The following GDAP1 variants were observed in gnomAD, a reference collection of about 807,000 sequenced individuals.
The protein encoded by GDAP1 is ganglioside-induced differentiation-associated protein 1.
GDAP1 carries 34 observed loss-of-function variants against 40.1 expected under a neutral mutation model. The ratio of observed to expected loss-of-function variants is 0.85; its 90% CI spans 0.64 to 1.13. GDAP1 has a LOEUF of 1.13. GDAP1 is among the 50% of genes most tolerant of loss of function. The pLI is 0.00. For synonymous variants in GDAP1, 170 were observed against 157.4 expected (o/e 1.08, Z -0.60); for missense variants, 374 against 433.7 (o/e 0.86, Z 1.22).
chr8:74,455,365 T>C (rs542351356), intron 2 of GDAP1, among the ~76,000 whole-genome samples: 50 of 152,070 alleles, frequency 3.3e-4, no homozygotes, highest in African/African-American at 1.2e-3. Context: ...AGTTGTGAGA[T>C]AATCCATTAT....
At chr8:74,355,329 C>T (rs1055295781) in intron 2 of GDAP1, among the ~76,000 whole-genome samples, 1 of 152,186 alleles carries the variant, frequency 6.6e-6, no homozygotes, top group Admixed American at 6.5e-5. Context: ...TGGGATACTT[C>T]AGAGATGTTT....
At chr8:74,437,614 T>C (rs995452597) in intron 2 of GDAP1, among the ~76,000 whole-genome samples, 4 of 152,188 alleles carry the variant, frequency 2.6e-5, no homozygotes, top group Non-Finnish European at 5.9e-5. Flanking sequence ...ATGTTTTCAT[T>C]CATATATCTA....
rs556630987 is a variant in GDAP1, at chr8:74,450,656, T to C, written c.166-38022T>C. Among the ~76,000 whole-genome samples, 6 of 19,938 alleles carry C rather than the reference T, an allele frequency of 3.0e-4. 3 individuals carry two copies. The highest frequency in any genetic ancestry group is 6.0e-4 in the Non-Finnish European group (6 of 10,064). The allele number at this position is 19,938 out of a possible 152,430, so 13.1% of individuals were successfully genotyped here. The stretch of plus-strand genomic sequence containing the variant: ...GGAATATTCTTTCCATCTTTTTATG[T>C]TTTACTTATGTGATTTTATCTGTAA... On this transcript the variant is annotated intron_variant, in intron 2 of 2. Transcript: ENST00000523640.
chr8:74,406,574 A>G (rs933465154), intron 2 of GDAP1, among the ~76,000 whole-genome samples: 1 of 150,214 alleles, frequency 6.7e-6, no homozygotes, highest in Non-Finnish European at 1.5e-5. Context: ...ATAACCTTCT[A>G]TACTGGGTAC....
intron 2 of GDAP1, among the ~76,000 whole-genome samples, chr8:74,464,266 G>T (rs1806439259): frequency 1.3e-5 from 2 of 152,200 alleles, no homozygotes; most frequent in South Asian, 4.1e-4. Context: ...AGTGCCAATA[G>T]GGGAGTGTCA....
intron 2 of GDAP1, among the ~76,000 whole-genome samples, chr8:74,423,335 AG>A (rs1563466009): frequency 1.4e-5 from 2 of 147,354 alleles, no homozygotes; most frequent in Non-Finnish European, 3.0e-5. Context: ...TATTTATTAT[AG>A]TATAATAAAT....
intron 2 of GDAP1, among the ~76,000 whole-genome samples, chr8:74,382,702 T>C (rs984638981): frequency 2.6e-5 from 4 of 152,080 alleles, no homozygotes; most frequent in Non-Finnish European, 5.9e-5. Flanking sequence ...GAAAAACAAA[T>C]GGAAGGCTGG....
intron 4 of GDAP1, 21 bp downstream of exon 4, chr8:74,361,999 C>T (rs761421699): frequency 1.7e-6 from 2 of 1,188,976 alleles, no homozygotes; most frequent in Non-Finnish European, 2.5e-6. Flanking sequence ...CAGCTGTCCT[C>T]AGTTGACATA....
chr8:74,472,705 CTTTCTTTTCT>C (rs142771587), intron 2 of GDAP1, among the ~76,000 whole-genome samples: 11,822 of 144,496 alleles, frequency 0.082, 575 homozygotes, highest in South Asian at 0.13. Context: ...CGATATTGAG[CTTTCTTTTCT>C]TTTCTTTTCT....
At chr8:74,423,864 G>A (rs1805914022) in intron 2 of GDAP1, among the ~76,000 whole-genome samples, 1 of 152,060 alleles carries the variant, frequency 6.6e-6, no homozygotes, top group Non-Finnish European at 1.5e-5. Flanking sequence ...CTCTGTTGTA[G>A]AAAAAACCTT....
chr8:74,388,414 T>G (rs781417126), intron 2 of GDAP1, among the ~76,000 whole-genome samples: 6 of 152,212 alleles, frequency 3.9e-5, no homozygotes, highest in Non-Finnish European at 8.8e-5. Context: ...ACTTATTTAT[T>G]TCTGTCTTAA....
intron 2 of GDAP1, among the ~76,000 whole-genome samples, chr8:74,471,770 T>A (rs1161724967): frequency 6.6e-6 from 1 of 152,166 alleles, no homozygotes; most frequent in Non-Finnish European, 1.5e-5. Context: ...AATCGTGCAG[T>A]CTGTACTCTT....
At chr8:74,396,982 A>G (rs1810210916) in intron 2 of GDAP1, among the ~76,000 whole-genome samples, 1 of 152,182 alleles carries the variant, frequency 6.6e-6, no homozygotes, top group Non-Finnish European at 1.5e-5. Flanking sequence ...ACAGTGTAAA[A>G]GTGTTCCTGT....
chr8:74,404,352 T>TTAATAG (rs1442387013), intron 2 of GDAP1, among the ~76,000 whole-genome samples: 3 of 149,444 alleles, frequency 2.0e-5, no homozygotes, highest in Non-Finnish European at 2.9e-5. Context: ...AGTAATATCA[T>TTAATAG]TAATAGTAAT....
intron 2 of GDAP1, among the ~76,000 whole-genome samples, chr8:74,372,492 T>G (rs1005613327): frequency 1.3e-5 from 2 of 152,212 alleles, no homozygotes; most frequent in East Asian, 3.8e-4. Context: ...CTCATTGTGG[T>G]TTTGATTTGC....
At chr8:74,372,217 C>T (rs564966440) in intron 2 of GDAP1, among the ~76,000 whole-genome samples, 19 of 152,072 alleles carry the variant, frequency 1.2e-4, no homozygotes, top group Admixed American at 2.0e-4. Context: ...TGAATAGTGC[C>T]GCAATAAACA....
downstream of GDAP1, among the ~76,000 whole-genome samples, chr8:74,371,325 G>A (rs1370383738): frequency 1.3e-5 from 2 of 152,132 alleles, no homozygotes; most frequent in Admixed American, 1.3e-4. Flanking sequence ...AAATTAAATA[G>A]CACATTTGTA....
At chr8:74,459,769 A>G (rs1026910786) in intron 2 of GDAP1, among the ~76,000 whole-genome samples, 2 of 152,220 alleles carry the variant, frequency 1.3e-5, no homozygotes, top group African/African-American at 4.8e-5. Context: ...CCACTGGGAT[A>G]CTTCTTTAGA....
At chr8:74,436,109 A>C (rs1216726456) in intron 2 of GDAP1, among the ~76,000 whole-genome samples, 1 of 152,164 alleles carries the variant, frequency 6.6e-6, no homozygotes, top group Middle Eastern at 3.2e-3. Context: ...ATGGGAGACT[A>C]ATTTTGGGGT....
Sources: gnomAD v4.1 joint callset for allele counts (sites outside exome capture counted in the v4.1 genomes callset) on GRCh38, gnomAD v4.1.1 for gene constraint, MANE v1.5 for transcripts, NCBI Gene and HGNC (gene_info 2026-07-23, HGNC 2026-07-21) for gene names.